SYN2: variants seen among roughly 807,000 people sequenced by gnomAD.
The protein encoded by SYN2 is synapsin-2.
In SYN2, 19 loss-of-function variants were observed where a neutral mutation model predicts 50.9. The observed-to-expected ratio is 0.37, with a 90% CI of 0.26 to 0.55. SYN2 has a LOEUF of 0.55. Among genes scored for constraint, SYN2 ranks in the 20% least tolerant of loss-of-function variants. The pLI, the probability that SYN2 is intolerant of heterozygous loss-of-function variation, is 0.81. For missense variants in SYN2, 587 were observed against 576.4 expected, an observed-to-expected ratio of 1.02 and a Z score of -0.19; for synonymous variants, 255 against 224.9, an observed-to-expected ratio of 1.13 and a Z score of -1.20.
chr3:12,033,920 T>G (rs1694437140), intron 1 of SYN2, among the ~76,000 whole-genome samples: 1 of 152,268 alleles, frequency 6.6e-6, no homozygotes, highest in Non-Finnish European at 1.5e-5. Flanking sequence ...TACTTGTCTA[T>G]TTACTTATCA....
chr3:12,098,492 C>T (rs1695992638), intron 1 of SYN2, among the ~76,000 whole-genome samples: 1 of 151,768 alleles, frequency 6.6e-6, no homozygotes, highest in African/African-American at 2.4e-5. Context: ...TGGTATCAAT[C>T]CAAACAAGTT....
intron 4 of SYN2, among the ~76,000 whole-genome samples, chr3:12,148,884 C>T (rs61289654): frequency 0.13 from 19,940 of 152,186 alleles, 1,686 homozygotes; most frequent in Middle Eastern, 0.19. Context: ...CAACAGCACC[C>T]CCAGCTCCCA....
chr3:12,158,829 G>A (rs747694894), intron 5 of SYN2: 8 of 1,589,522 alleles, frequency 5.0e-6, no homozygotes, highest in Middle Eastern at 1.7e-4. Flanking sequence ...CGGGCCGAGG[G>A]CTCCCAGGCA....
intron 5 of SYN2, among the ~76,000 whole-genome samples, chr3:12,156,664 C>G (rs763045062): frequency 1.4e-4 from 22 of 152,194 alleles, no homozygotes; most frequent in Non-Finnish European, 2.1e-4. Context: ...CCTCCTAACC[C>G]AGAGGTTGTC....
intron 1 of SYN2, among the ~76,000 whole-genome samples, chr3:12,121,699 CAGGGAGG>C (rs1696562340): frequency 8.5e-6 from 1 of 117,726 alleles, no homozygotes; most frequent in Non-Finnish European, 1.7e-5. Flanking sequence ...AAGGGGAGGG[CAGGGAGG>C]AGGGAGGAAG....
chr3:12,187,416 C>T lies in SYN2; in HGVS notation c.1417C>T (p.Pro473Ser), dbSNP rs1484662186. The T allele has an allele frequency of 6.4e-7, 1 of 1,551,666 alleles. No homozygotes were observed. The highest frequency in any genetic ancestry group is 1.2e-5 in the South Asian group (1 of 84,038). Reference protein sequence around the residue: ...QGMQPPGKVLPPRRLPPGPSL... With the variant: ...QGMQPPGKVLSPRRLPPGPSL... ...AATGCAGCCCCCAGGCAAGGTGCTG[C>T]CTCCACGCCGGCTCCCCCCTGGACC... is the stretch of plus-strand genomic sequence containing the variant. Residue 473 changes from proline (P) to serine (S), a missense_variant, in exon 12 of 13, where the codon CCT (proline) becomes TCT (serine). Physicochemically the swap from Pro to Ser is moderately conservative, Grantham distance 74 (BLOSUM62 -1). Coordinates refer to ENST00000621198, the MANE Select transcript of SYN2 (RefSeq NM_133625.6).
rs79779580 is a variant in SYN2, at chr3:12,060,497, G to T, written c.377+55569G>T. 8.5e-3 allele frequency among the ~76,000 whole-genome samples: 1,296 copies of T among 152,280 alleles called. 16 individuals are homozygous for T. Among genetic ancestry groups the T allele is most frequent in the Middle Eastern group, 0.02 (6 of 294 alleles). ...CTGAGAAATACTCGTGAAGGTGACA[G>T]GCCCACTGAATGACTGAGATTTAAT... On this transcript the variant is annotated intron_variant, in intron 1 of 12. Coordinates refer to ENST00000621198, the MANE Select transcript of SYN2 (RefSeq NM_133625.6).
At chr3:12,154,075 G>A (rs1697381508) in intron 5 of SYN2, among the ~76,000 whole-genome samples, 1 of 152,104 alleles carries the variant, frequency 6.6e-6, no homozygotes, top group African/African-American at 2.4e-5. Flanking sequence ...ACAGTGGCTG[G>A]CAAAGAATAG....
intron 1 of SYN2, among the ~76,000 whole-genome samples, chr3:12,062,081 A>G (rs1695123162): frequency 6.6e-6 from 1 of 152,060 alleles, no homozygotes; most frequent in African/African-American, 2.4e-5. Context: ...CTGAAGAGGA[A>G]TAAAGTTGAA....
chr3:12,020,641 C>A (rs1320250850), intron 1 of SYN2, among the ~76,000 whole-genome samples: 3 of 152,034 alleles, frequency 2.0e-5, no homozygotes, highest in African/African-American at 4.8e-5. Context: ...AGTTTTTCCC[C>A]TAGATGTATC....
intron 1 of SYN2, among the ~76,000 whole-genome samples, chr3:12,009,948 A>AG (rs150714286): frequency 0.048 from 7,265 of 152,182 alleles, 244 homozygotes; most frequent in East Asian, 0.14. Context: ...ACAAAAAATT[A>AG]GTTGGTTGTT....
At chr3:12,070,270 A>G (rs901552624) in intron 1 of SYN2, 3 of 479,698 alleles carry the variant, frequency 6.3e-6, no homozygotes, top group Non-Finnish European at 1.3e-5. Flanking sequence ...TGTCTCCGGC[A>G]TGTACAAAGC....
intron 1 of SYN2, among the ~76,000 whole-genome samples, chr3:12,118,743 G>A (rs2125200562): frequency 1.3e-5 from 2 of 152,096 alleles, no homozygotes; most frequent in Admixed American, 1.3e-4. Context: ...ATTGGGCTTG[G>A]CAAAAGTTTA....
At chr3:12,183,427 T>C in intron 11 of SYN2, 55 bp downstream of exon 11, 1 of 1,610,836 alleles carries the variant, frequency 6.2e-7, no homozygotes, top group South Asian at 1.1e-5. Flanking sequence ...CCAAAACAAG[T>C]CCAAGCTTCT....
In SYN2 at chr3:12,027,519, C is replaced by A. The variant is rs186462019; in HGVS notation, c.377+22591C>A. On this transcript the variant is annotated intron_variant, in intron 1 of 12. Coordinates refer to ENST00000621198, the MANE Select transcript of SYN2 (RefSeq NM_133625.6). Reference sequence around the variant, plus strand: ...TTCAGATTGGAGCACAGTACCTGATCAGTTGGGGCTAATGTCAGCTTCATC... The same window carrying A: ...TTCAGATTGGAGCACAGTACCTGATAAGTTGGGGCTAATGTCAGCTTCATC... Among the ~76,000 whole-genome samples, 8 of 152,288 alleles carry A rather than the reference C, an allele frequency of 5.3e-5. No individual in the cohort carries two copies. The East Asian group carries it at 1.5e-3, about 29-fold the overall frequency.
chr3:12,149,022 C>G (rs1298489269), intron 4 of SYN2, among the ~76,000 whole-genome samples: 4 of 152,202 alleles, frequency 2.6e-5, no homozygotes, highest in Non-Finnish European at 5.9e-5. Context: ...GCCAAGCTCA[C>G]TACCTTGAGC....
At chr3:12,186,354 G>A (rs1265768423) in intron 11 of SYN2, among the ~76,000 whole-genome samples, 1 of 152,146 alleles carries the variant, frequency 6.6e-6, no homozygotes, top group Non-Finnish European at 1.5e-5. Flanking sequence ...AGGCAATCTG[G>A]TACCACCTTA....
chr3:12,175,579 CAGACCTGTGGCT>C (rs1698045298), intron 10 of SYN2, among the ~76,000 whole-genome samples: 1 of 152,260 alleles, frequency 6.6e-6, no homozygotes. Flanking sequence ...AAGACCAGGA[CAGACCTGTGGCT>C]AGCCACTTGT....
chr3:12,149,530 G>T (rs910577373), intron 4 of SYN2, among the ~76,000 whole-genome samples: 1 of 152,222 alleles, frequency 6.6e-6, no homozygotes, highest in African/African-American at 2.4e-5. Context: ...GAGTGCTCTT[G>T]CAGTGCAGCC....
Sources: allele counts gnomAD v4.1 joint callset (sites outside exome capture counted in the v4.1 genomes callset), GRCh38; gene constraint gnomAD v4.1.1; transcripts MANE v1.5; gene names NCBI Gene and HGNC (gene_info 2026-07-23, HGNC 2026-07-21).